ZNF324B: variants seen among roughly 807,000 people sequenced by gnomAD.
ZNF324B encodes the protein zinc finger protein 324B.
A neutral mutation model predicts 10.6 loss-of-function variants in ZNF324B; 7 were observed. The observed-to-expected ratio is 0.66, with a 90% CI of 0.38 to 1.24. The LOEUF is 1.24. Ranked by LOEUF, ZNF324B falls within the 50% of genes most tolerant of loss-of-function variation. The pLI is 0.02. For missense variants in ZNF324B, 640 were observed against 764.7 expected (o/e 0.84, Z 1.92); for synonymous variants, 316 against 321.0 (o/e 0.98, Z 0.17).
the ZNF324B span, among the ~76,000 whole-genome samples, chr19:58,431,949 C>T: frequency 1.3e-5 from 2 of 152,038 alleles, no homozygotes; most frequent in African/African-American, 2.4e-5. Flanking sequence ...GAGCCAAAAT[C>T]GCGCCACTGC....
In ZNF324B at chr19:58,455,465, C is replaced by G; in HGVS notation, c.521C>G (p.Pro174Arg). Residue 174 changes from proline (P) to arginine (R), a missense_variant, in exon 4 of 4, where the codon CCC becomes CGC. Around this residue, in one of 3 missense-constraint regions of ZNF324B, gnomAD observed 345 missense variants for 387.9 expected, o/e 0.89. Transcript: ENST00000336614. The surrounding 1 kb of genome is among the most constrained non-coding windows in gnomAD (Gnocchi z 7.0). ...CTCAGGCCCCCCAAGAGCAGCCGGC[C>G]CAGGGAAAAGACCTTCACAGAGTAC... ...SPLRPPKSSR[P>R]REKTFTEYRV... 6.2e-7 allele frequency: 1 copy of G among 1,614,110 alleles called. No homozygotes were observed. The highest frequency in any genetic ancestry group is 8.5e-7 in the Non-Finnish European group (1 of 1,179,978).
At chr19:58,419,689 C>T in the ZNF324B span, among the ~76,000 whole-genome samples, 1 of 152,186 alleles carries the variant, frequency 6.6e-6, no homozygotes, top group African/African-American at 2.4e-5. Context: ...GTGACCCAGC[C>T]AGTACTCCTG....
the ZNF324B span, among the ~76,000 whole-genome samples, chr19:58,422,495 T>C: frequency 6.6e-6 from 1 of 152,176 alleles, no homozygotes; most frequent in Non-Finnish European, 1.5e-5. Flanking sequence ...TGATCTTATA[T>C]TTAGAAAAAC....
At chr19:58,453,952 A>G in intron 2 of ZNF324B, 130 bp downstream of exon 2, 3 of 1,397,870 alleles carry the variant, frequency 2.1e-6, no homozygotes, top group Non-Finnish European at 2.9e-6. Flanking sequence ...GGTCCTGTAG[A>G]CACAAAGTTT....
chr19:58,437,201 G>T, the ZNF324B span: 1 of 1,599,564 alleles, frequency 6.3e-7, no homozygotes, highest in Non-Finnish European at 8.5e-7. Context: ...CTGAGCCACA[G>T]GGCCAAGAAG....
the ZNF324B span, chr19:58,441,932 A>T: frequency 6.6e-6 from 1 of 152,080 alleles, no homozygotes; most frequent in Non-Finnish European, 1.5e-5. Flanking sequence ...ATGATACTAC[A>T]GAGCTTTGTA....
At chr19:58,446,185 C>T in the ZNF324B span, among the ~76,000 whole-genome samples, 1 of 152,180 alleles carries the variant, frequency 6.6e-6, no homozygotes, top group African/African-American at 2.4e-5. Context: ...TAGCCTTCAG[C>T]CACAGCTAAA....
chr19:58,427,361 T>TCTCTTTCCTTC, the ZNF324B span, among the ~76,000 whole-genome samples: 9 of 53,478 alleles, frequency 1.7e-4, no homozygotes, highest in African/African-American at 4.6e-4. Context: ...TTTCTTTCTT[T>TCTCTTTCCTTC]CTTTCTTTCT....
At chr19:58,434,079 T>C in the ZNF324B span, 13 of 1,614,160 alleles carry the variant, frequency 8.1e-6, no homozygotes, top group South Asian at 5.5e-5. Context: ...AAGGCCGTTC[T>C]CCGGTGTGAA....
At chr19:58,431,330 G>C in the ZNF324B span, among the ~76,000 whole-genome samples, 1 of 152,196 alleles carries the variant, frequency 6.6e-6, no homozygotes, top group African/African-American at 2.4e-5. Context: ...GAGCCTGTTA[G>C]GTGACATTCA....
chr19:58,431,363 G>A, the ZNF324B span, among the ~76,000 whole-genome samples: 1 of 152,216 alleles, frequency 6.6e-6, no homozygotes, highest in Admixed American at 6.5e-5. Flanking sequence ...GAACAGAGAG[G>A]GATCTAGGAC....
chr19:58,453,821 T>C lies in ZNF324B; in HGVS notation c.120T>C (p.Leu40=), dbSNP rs1235267563. The C allele has an allele frequency of 6.2e-7, 1 of 1,613,686 alleles. No individual in the cohort carries two copies. The highest frequency in any genetic ancestry group is 1.3e-5 in the African/African-American group (1 of 75,046). The change falls in exon 2 of 4, where the codon CTT becomes CTC. Residue 40 remains leucine (L), a splice_region_variant and synonymous_variant. Coordinates refer to ENST00000336614, the MANE Select transcript of ZNF324B (RefSeq NM_207395.3). ...MLENFTLVTS[L]GLSTSRPRVV... is the part of the protein sequence containing the mutation. ...AAAACTTCACACTTGTGACCTCACT[T>C]GGTAAGGCCCTGGGTGCTCCATGAA...
chr19:58,429,366 A>G, the ZNF324B span: 1 of 152,130 alleles, frequency 6.6e-6, no homozygotes, highest in Non-Finnish European at 1.5e-5. Context: ...CCATGAAGAG[A>G]AACCTTTTCT....
chr19:58,436,918 C>A, the ZNF324B span: 1 of 1,283,792 alleles, frequency 7.8e-7, no homozygotes, highest in Non-Finnish European at 1.1e-6. Flanking sequence ...CTCAGCACCC[C>A]AGCACCTACA....
the ZNF324B span, chr19:58,429,389 G>A: frequency 6.6e-6 from 1 of 152,206 alleles, no homozygotes; most frequent in African/African-American, 2.4e-5. Flanking sequence ...TATTTTAGAT[G>A]GAGTCTCACA....
At chr19:58,454,851 A>G in intron 3 of ZNF324B, 6 of 533,996 alleles carry the variant, frequency 1.1e-5, no homozygotes, top group Non-Finnish European at 2.0e-5. Context: ...GCACCAGGGG[A>G]GAAGGGAGTG....
the ZNF324B span, among the ~76,000 whole-genome samples, chr19:58,426,533 G>A: frequency 6.6e-6 from 1 of 152,182 alleles, no homozygotes; most frequent in Non-Finnish European, 1.5e-5. Flanking sequence ...CCAAGCCAGA[G>A]AAGGTTACTG....
the ZNF324B span, among the ~76,000 whole-genome samples, chr19:58,420,784 T>C: frequency 4.6e-5 from 7 of 151,334 alleles, no homozygotes; most frequent in Non-Finnish European, 4.4e-5. Flanking sequence ...CTCAGCACAC[T>C]GCAACCTCCG....
chr19:58,439,805 G>A, the ZNF324B span: 1 of 1,544,684 alleles, frequency 6.5e-7, no homozygotes, highest in Non-Finnish European at 8.7e-7. Flanking sequence ...TAGAACCTGT[G>A]GGCTGGGCAG....
Sources: allele counts gnomAD v4.1 joint callset (sites outside exome capture counted in the v4.1 genomes callset), GRCh38; gene constraint gnomAD v4.1.1; regional missense constraint gnomAD v4.1.1; non-coding constraint Gnocchi (gnomAD v3.1); transcripts MANE v1.5; gene names NCBI Gene and HGNC (gene_info 2026-07-23, HGNC 2026-07-21).